The following PTPRG variants were observed in gnomAD, a reference collection of about 807,000 sequenced individuals.
PTPRG encodes protein tyrosine phosphatase receptor type G.
PTPRG carries 102 observed loss-of-function variants against 165.3 expected under a neutral mutation model. The observed-to-expected ratio is 0.62, with a 90% CI of 0.53 to 0.73. The LOEUF (loss-of-function observed/expected upper bound fraction) is 0.73, where lower values mean the gene tolerates loss of function less well. PTPRG is among the 30% of genes least tolerant of loss of function. The pLI is 0.00. For synonymous variants in PTPRG, 675 were observed against 669.5 expected (o/e 1.01, Z -0.13); for missense variants, 1,866 against 1,861.4 (o/e 1.00, Z -0.05).
chr3:61,741,651 AC>A (rs1456409522), intron 1 of PTPRG, among the ~76,000 whole-genome samples: 1 of 152,178 alleles, frequency 6.6e-6, no homozygotes, highest in Non-Finnish European at 1.5e-5. Flanking sequence ...CCTTTGCATA[AC>A]CTTTGTCATA....
rs200656018 is a variant in PTPRG, at chr3:61,990,217, G to A, written c.370+413G>A. Among the ~76,000 whole-genome samples, 10 of 152,076 alleles carry A rather than the reference G, an allele frequency of 6.6e-5. No homozygotes were observed. In the South Asian group the frequency reaches 8.3e-4, roughly 13 times the overall value. ...CTCAGTTGTATTAGGTACATTTCAC[G>A]TGCTTATCTGCCACATACGGCTAGT... On this transcript the variant is annotated intron_variant, in intron 3 of 29. Transcript: ENST00000474889.
In PTPRG at chr3:62,219,989, G is replaced by T. The variant is rs1205105045; in HGVS notation, c.2288+1006G>T. ...CATGGGGGCCTAGCAGGAGTGTTCA[G>T]AGTGGTCAAGGAGATGATACCTGAG... is the stretch of plus-strand genomic sequence containing the variant. On this transcript the variant is annotated intron_variant, in intron 13 of 29. Transcript: ENST00000474889. The surrounding 1 kb of genome is among the most constrained non-coding windows in gnomAD (Gnocchi z 4.5). 6.6e-6 allele frequency among the ~76,000 whole-genome samples: 1 copy of T among 152,254 alleles called. No individual in the cohort carries two copies. The highest frequency in any genetic ancestry group is 1.5e-5 in the Non-Finnish European group (1 of 68,048).
At chr3:61,909,463 C>T (rs1030651885) in intron 2 of PTPRG, among the ~76,000 whole-genome samples, 9 of 152,150 alleles carry the variant, frequency 5.9e-5, no homozygotes, top group African/African-American at 9.7e-5. Context: ...AATCCTCCCA[C>T]GTCAGTCCCC....
chr3:62,058,121 T>TC (rs1700689610), intron 4 of PTPRG, among the ~76,000 whole-genome samples: 1 of 152,100 alleles, frequency 6.6e-6, no homozygotes, highest in Non-Finnish European at 1.5e-5. Flanking sequence ...AGCATGCAAT[T>TC]CCCCATGGAT....
chr3:62,117,867 A>C (rs569217154), intron 5 of PTPRG, among the ~76,000 whole-genome samples: 2 of 152,350 alleles, frequency 1.3e-5, no homozygotes, highest in East Asian at 3.9e-4. Context: ...TTAGGTGCTT[A>C]GTAAATATTT....
intron 1 of PTPRG, among the ~76,000 whole-genome samples, chr3:61,647,614 C>T (rs1197244406): frequency 6.6e-6 from 1 of 151,972 alleles, no homozygotes; most frequent in Non-Finnish European, 1.5e-5. Flanking sequence ...CACAGTGAAA[C>T]CCCGTCTCCA....
chr3:62,150,927 C>G (rs568038104), intron 6 of PTPRG, among the ~76,000 whole-genome samples: 1 of 152,300 alleles, frequency 6.6e-6, no homozygotes, highest in African/African-American at 2.4e-5. Flanking sequence ...CAGGTCTCTT[C>G]TATACATTGA....
chr3:62,154,608 C>T (rs534447996), intron 6 of PTPRG, among the ~76,000 whole-genome samples: 2 of 152,146 alleles, frequency 1.3e-5, no homozygotes, highest in Non-Finnish European at 2.9e-5. Flanking sequence ...TTTTGATGCT[C>T]TTTAAAGCCA....
intron 13 of PTPRG, 121 bp from the exon 14 acceptor site, chr3:62,231,104 G>A (rs1700891748): frequency 3.1e-6 from 2 of 641,976 alleles, no homozygotes; most frequent in East Asian, 3.4e-5. Flanking sequence ...TCACAGATGA[G>A]GCCTGATGAC....
chr3:62,141,117 C>T (rs114756869), intron 6 of PTPRG, among the ~76,000 whole-genome samples: 1 of 152,090 alleles, frequency 6.6e-6, no homozygotes, highest in African/African-American at 2.4e-5. Flanking sequence ...CAGCACATAC[C>T]AAATAGTCAA....
At chr3:61,675,031 A>C (rs1703174925) in intron 1 of PTPRG, among the ~76,000 whole-genome samples, 1 of 152,236 alleles carries the variant, frequency 6.6e-6, no homozygotes, top group Non-Finnish European at 1.5e-5. Context: ...ACAAAGCAAG[A>C]AACAGCCTAG....
intron 4 of PTPRG, among the ~76,000 whole-genome samples, chr3:62,025,465 C>G (rs2041784324): frequency 6.6e-6 from 1 of 152,022 alleles, no homozygotes; most frequent in South Asian, 2.1e-4. Context: ...TTTTTGATGA[C>G]TACTTTTCTT....
At chr3:61,673,327 ACT>A (rs1417950976) in intron 1 of PTPRG, among the ~76,000 whole-genome samples, 9 of 152,096 alleles carry the variant, frequency 5.9e-5, no homozygotes, top group Non-Finnish European at 1.2e-4. Context: ...TATTTCTAAA[ACT>A]CTGTGTTAGA....
intron 4 of PTPRG, among the ~76,000 whole-genome samples, chr3:62,059,245 A>G (rs566234592): frequency 3.3e-5 from 5 of 152,238 alleles, no homozygotes; most frequent in Non-Finnish European, 5.9e-5. Flanking sequence ...GGACTCCTTC[A>G]TAAGTGGAAC....
intron 1 of PTPRG, among the ~76,000 whole-genome samples, chr3:61,702,691 C>T (rs779767780): frequency 2.0e-5 from 3 of 152,228 alleles, no homozygotes; most frequent in Non-Finnish European, 2.9e-5. Flanking sequence ...AACCCCCCAC[C>T]AGGTAACCAC....
intron 16 of PTPRG, among the ~76,000 whole-genome samples, chr3:62,260,589 G>A (rs937091581): frequency 6.6e-6 from 1 of 152,124 alleles, no homozygotes; most frequent in Non-Finnish European, 1.5e-5. Context: ...TTGTTACATA[G>A]GGAGTAAAAT....
At chr3:62,097,148 GC>G (rs1702146036) in intron 5 of PTPRG, among the ~76,000 whole-genome samples, 1 of 152,188 alleles carries the variant, frequency 6.6e-6, no homozygotes, top group South Asian at 2.1e-4. Context: ...GGAACCGATT[GC>G]CTTTGTTCCA....
chr3:62,179,699 A>G (rs552168997), intron 8 of PTPRG, among the ~76,000 whole-genome samples: 41 of 152,338 alleles, frequency 2.7e-4, no homozygotes, highest in African/African-American at 9.9e-4. Context: ...GTGCCTGCCC[A>G]TAGCCTGGTC....
At chr3:61,878,538 G>C (rs921415725) in intron 2 of PTPRG, among the ~76,000 whole-genome samples, 1 of 152,146 alleles carries the variant, frequency 6.6e-6, no homozygotes, top group Non-Finnish European at 1.5e-5. Flanking sequence ...CTGTCACCCA[G>C]GTTGCAGTGT....
Sources: gnomAD v4.1 joint callset for allele counts (sites outside exome capture counted in the v4.1 genomes callset) on GRCh38, gnomAD v4.1.1 for gene constraint, Gnocchi (gnomAD v3.1) non-coding constraint, MANE v1.5 for transcripts, NCBI Gene and HGNC (gene_info 2026-07-23, HGNC 2026-07-21) for gene names.